The following DCAF1 variants were observed in gnomAD, a reference collection of about 807,000 sequenced individuals.
DCAF1 encodes DDB1- and CUL4-associated factor 1.
DCAF1 carries 15 observed loss-of-function variants against 128.0 expected under a neutral mutation model. The ratio of observed to expected loss-of-function variants is 0.12; its 90% CI spans 0.08 to 0.18. The LOEUF (loss-of-function observed/expected upper bound fraction) is 0.18. Ranked by LOEUF, DCAF1 falls within the 10% of genes least tolerant of loss-of-function variation. DCAF1 has a pLI of 1.00. For missense variants in DCAF1, 988 were observed against 1,649.5 expected (o/e 0.60, Z 6.95); for synonymous variants, 610 against 603.0 (o/e 1.01, Z -0.17).
intron 6 of DCAF1, among the ~76,000 whole-genome samples, chr3:51,453,975 A>ATG (rs1241647278): frequency 6.6e-6 from 1 of 151,866 alleles, no homozygotes; most frequent in Non-Finnish European, 1.5e-5. Context: ...CAAGCAAGCT[A>ATG]TGGGACATAC....
upstream of DCAF1, among the ~76,000 whole-genome samples, chr3:51,501,684 A>G (rs962798292): frequency 1.3e-5 from 2 of 152,032 alleles, no homozygotes; most frequent in Admixed American, 6.6e-5. Flanking sequence ...TGTAACTTGG[A>G]GCTACTGCTC....
chr3:51,494,965 G>T (rs1219954308), intron 2 of DCAF1, among the ~76,000 whole-genome samples: 1 of 152,094 alleles, frequency 6.6e-6, no homozygotes, highest in Admixed American at 6.6e-5. Flanking sequence ...TTATAACTTT[G>T]GGAATAACCA....
At chr3:51,491,971 C>T (rs143974390) in intron 2 of DCAF1, among the ~76,000 whole-genome samples, 4,394 of 152,140 alleles carry the variant, frequency 0.029, 91 homozygotes, top group South Asian at 0.046. Flanking sequence ...TCCTAGCCAA[C>T]ATGGTGAAAC....
chr3:51,491,586 T>C (rs1035848678), intron 2 of DCAF1, among the ~76,000 whole-genome samples: 2 of 152,104 alleles, frequency 1.3e-5, no homozygotes, highest in Non-Finnish European at 2.9e-5. Flanking sequence ...CAGTGGCTCA[T>C]GCCTGTAATC....
chr3:51,474,823 C>T (rs991434794), intron 3 of DCAF1, among the ~76,000 whole-genome samples: 9 of 141,902 alleles, frequency 6.3e-5, no homozygotes, highest in Middle Eastern at 3.8e-3. Flanking sequence ...CTCACTCTGT[C>T]GCCCAGGCTG....
intron 6 of DCAF1, among the ~76,000 whole-genome samples, chr3:51,453,872 G>C (rs2107870805): frequency 6.6e-6 from 1 of 151,692 alleles, no homozygotes; most frequent in Non-Finnish European, 1.5e-5. Flanking sequence ...AGAATTGCTT[G>C]AACCCGGGAG....
chr3:51,483,858 T>A (rs781831312), intron 2 of DCAF1, 22 bp from the exon 3 acceptor site: 1 of 1,516,762 alleles, frequency 6.6e-7, no homozygotes, highest in South Asian at 1.1e-5. Context: ...AAAATAAAAA[T>A]AAAAAAGACA....
chr3:51,428,805 G>GA (rs1700126617), intron 12 of DCAF1, among the ~76,000 whole-genome samples: 2 of 151,954 alleles, frequency 1.3e-5, no homozygotes, highest in Admixed American at 1.3e-4. Context: ...GACCAGCCAG[G>GA]ACAACATAGT....
chr3:51,493,991 C>T (rs1707955306), intron 2 of DCAF1, among the ~76,000 whole-genome samples: 1 of 145,644 alleles, frequency 6.9e-6, no homozygotes, highest in Non-Finnish European at 1.5e-5. Context: ...AGCGAGATTC[C>T]GTCTCAAAAA....
chr3:51,403,472 A>ACG (rs2089885029), intron 23 of DCAF1, 77 bp from the exon 24 acceptor site: 2 of 1,518,880 alleles, frequency 1.3e-6, no homozygotes, highest in African/African-American at 2.8e-5. Context: ...GGTCGACCAA[A>ACG]GAGACAGGGT....
At chr3:51,445,267 A>G (rs1378649828) in intron 6 of DCAF1, among the ~76,000 whole-genome samples, 1 of 152,132 alleles carries the variant, frequency 6.6e-6, no homozygotes, top group Non-Finnish European at 1.5e-5. Context: ...AAATTTTAAG[A>G]ATTTTCTTGT....
In DCAF1 at chr3:51,441,450, T is replaced by C. The variant is rs367765586; in HGVS notation, c.961A>G (p.Met321Val). Reference protein sequence around the residue: ...VIGTNYTLYPMTPAIEQRLIL... With the variant: ...VIGTNYTLYPVTPAIEQRLIL... ...AGTCGCTGCTCGATAGCAGGAGTCA[T>C]AGGATAAAGGGTATAATTGGTGCCA... Residue 321 changes from methionine to valine, a missense_variant, in exon 8 of 25, where the codon ATG (methionine) becomes GTG (valine). This residue lies in a region of DCAF1 where 19 missense variants were observed against 61.4 expected (regional missense o/e 0.31). Coordinates refer to ENST00000684031, the MANE Select transcript of DCAF1 (RefSeq NM_001387579.1). 3.7e-6 allele frequency: 6 copies of C among 1,613,862 alleles called. No individual in the cohort carries two copies. The highest frequency in any genetic ancestry group is 4.2e-6 in the Non-Finnish European group (5 of 1,179,896).
At chr3:51,477,364 G>A (rs1421412400) in intron 3 of DCAF1, among the ~76,000 whole-genome samples, 1 of 150,210 alleles carries the variant, frequency 6.7e-6, no homozygotes, top group Non-Finnish European at 1.5e-5. Context: ...AAAATATCCA[G>A]TAAAGAGACC....
At chr3:51,493,442 T>G (rs1171832745) in intron 2 of DCAF1, among the ~76,000 whole-genome samples, 1 of 149,492 alleles carries the variant, frequency 6.7e-6, no homozygotes, top group Non-Finnish European at 1.5e-5. Flanking sequence ...CAAAACTCCA[T>G]CTCAGGGGAA....
intron 2 of DCAF1, among the ~76,000 whole-genome samples, chr3:51,484,841 C>A (rs1451071049): frequency 1.2e-4 from 18 of 151,254 alleles, no homozygotes; most frequent in African/African-American, 4.4e-4. Flanking sequence ...CGCCACCATG[C>A]CTGGCTAATT....
At chr3:51,471,308 C>T (rs559904842) in intron 3 of DCAF1, among the ~76,000 whole-genome samples, 4 of 151,666 alleles carry the variant, frequency 2.6e-5, no homozygotes, top group Non-Finnish European at 4.4e-5. Context: ...CTCAGTATCC[C>T]GCACAGCTGG....
In DCAF1 at chr3:51,414,014, A is replaced by G. The variant is rs1041488031; in HGVS notation, c.3867T>C (p.His1289=). The G allele has an allele frequency of 6.2e-7, 1 of 1,604,230 alleles. No individual in the cohort carries two copies. Among genetic ancestry groups the G allele is most frequent in the Non-Finnish European group, 8.5e-7 (1 of 1,175,818 alleles). The change falls in exon 20 of 25, where the codon CAT becomes CAC. Residue 1289 remains histidine (H), a synonymous_variant. Coordinates refer to ENST00000684031, the MANE Select transcript of DCAF1 (RefSeq NM_001387579.1). ...GACACTGATCCAGAGCGGGAACAGT[A>G]TGCAAAAGATGAAAAGTTCGAAGGT... The part of the protein sequence containing the change: ...IWDLRTFHLL[H]TVPALDQCRV...
upstream of DCAF1, among the ~76,000 whole-genome samples, chr3:51,500,678 C>T (rs1708757096): frequency 6.6e-6 from 1 of 152,052 alleles, no homozygotes; most frequent in African/African-American, 2.4e-5. Context: ...AGACTACAGG[C>T]GCATGCCACC....
chr3:51,430,565 G>A (rs1366007991), intron 10 of DCAF1, among the ~76,000 whole-genome samples: 1 of 152,168 alleles, frequency 6.6e-6, no homozygotes, highest in Non-Finnish European at 1.5e-5. Context: ...TGATAAAAGT[G>A]GCTCAGATTT....
Sources: gnomAD v4.1 joint callset for allele counts (sites outside exome capture counted in the v4.1 genomes callset) on GRCh38, gnomAD v4.1.1 for gene constraint, gnomAD v4.1.1 regional missense constraint, MANE v1.5 for transcripts, NCBI Gene and HGNC (gene_info 2026-07-23, HGNC 2026-07-21) for gene names.